Variants in OSBPL9 observed in about 807,000 individuals in gnomAD.
OSBPL9 encodes oxysterol-binding protein-related protein 9.
Under a neutral mutation model 106.6 loss-of-function variants are expected in OSBPL9, and 40 were observed. That is an observed-to-expected ratio of 0.38 (90% confidence interval 0.29 to 0.49). OSBPL9 has a LOEUF of 0.49. Among genes scored for constraint, OSBPL9 ranks in the 20% least tolerant of loss-of-function variants. OSBPL9 has a pLI of 0.97. For synonymous variants in OSBPL9, 269 were observed against 295.4 expected, an observed-to-expected ratio of 0.91 and a Z score of 0.92; for missense variants, 609 against 887.2, an observed-to-expected ratio of 0.69 and a Z score of 3.98.
the OSBPL9 span, among the ~76,000 whole-genome samples, chr1:51,525,597 T>C: frequency 1.3e-5 from 2 of 152,218 alleles, no homozygotes; most frequent in East Asian, 3.8e-4. Flanking sequence ...CAGAAAGTTC[T>C]GTCGGCTCGA....
At chr1:51,748,313 A>T in intron 6 of OSBPL9, 56 bp from the exon 7 acceptor site, 2 of 1,495,532 alleles carry the variant, frequency 1.3e-6, no homozygotes, top group Non-Finnish European at 1.8e-6. Flanking sequence ...AGTAAAAAAT[A>T]ACCGTCCTTC....
intron 12 of OSBPL9, among the ~76,000 whole-genome samples, chr1:51,768,272 C>G (rs1372452232): frequency 6.7e-6 from 1 of 149,814 alleles, no homozygotes; most frequent in Admixed American, 6.7e-5. Context: ...TCTTGTTGCC[C>G]AGGCTGGAGT....
chr1:51,579,972 C>T (rs542064777), intron 1 of OSBPL9, among the ~76,000 whole-genome samples: 1 of 152,082 alleles, frequency 6.6e-6, no homozygotes, highest in Non-Finnish European at 1.5e-5. Flanking sequence ...GTGTTTCTGT[C>T]TCCACCGTCC....
At chr1:51,691,408 T>A (rs1184594333) in intron 3 of OSBPL9, among the ~76,000 whole-genome samples, 1 of 151,224 alleles carries the variant, frequency 6.6e-6, no homozygotes, top group Non-Finnish European at 1.5e-5. Flanking sequence ...GCCTCTTGAG[T>A]AACTGGGATT....
At chr1:51,573,055 T>C (rs910514997), upstream of OSBPL9, among the ~76,000 whole-genome samples, 1 of 151,936 alleles carries the variant, frequency 6.6e-6, no homozygotes, top group African/African-American at 2.4e-5. Flanking sequence ...CTACTAAAAA[T>C]ACAAAAATTA....
chr1:51,701,291 T>G (rs1657183924), intron 3 of OSBPL9, among the ~76,000 whole-genome samples: 1 of 152,230 alleles, frequency 6.6e-6, no homozygotes, highest in Non-Finnish European at 1.5e-5. Context: ...ACTTATTTAC[T>G]TATTCAATTA....
At chr1:51,648,570 T>C (rs1266694695) in intron 1 of OSBPL9, among the ~76,000 whole-genome samples, 2 of 152,146 alleles carry the variant, frequency 1.3e-5, no homozygotes, top group Non-Finnish European at 2.9e-5. Context: ...CCAGCTTCCC[T>C]ATAGCCCCGC....
chr1:51,657,402 C>T (rs189248328), intron 2 of OSBPL9, among the ~76,000 whole-genome samples: 19 of 152,292 alleles, frequency 1.2e-4, no homozygotes, highest in Non-Finnish European at 2.9e-5. Flanking sequence ...CAGGTAAATG[C>T]TCATATTTCA....
At chr1:51,637,548 TAAATA>T (rs1266441214) in intron 1 of OSBPL9, among the ~76,000 whole-genome samples, 3 of 152,194 alleles carry the variant, frequency 2.0e-5, no homozygotes, top group Non-Finnish European at 4.4e-5. Flanking sequence ...TTGTGAGAAT[TAAATA>T]AAATAGTATT....
intron 11 of OSBPL9, 37 bp downstream of exon 11, chr1:51,762,008 C>CA (rs766315346): frequency 7.0e-7 from 1 of 1,437,474 alleles, no homozygotes; most frequent in Non-Finnish European, 9.8e-7. Context: ...TCTCATAACT[C>CA]TATTAACATT....
Position 51,701,491 on chromosome 1 carries a change from G to A in OSBPL9, c.242-12512G>A, listed in dbSNP as rs558093897. Among the ~76,000 whole-genome samples the A allele has an allele frequency of 1.7e-3, 260 of 152,008 alleles. 1 individual carries two copies. Among genetic ancestry groups the A allele is most frequent in the African/African-American group, 5.7e-3 (236 of 41,472 alleles). ...TTTTTTTCTGATAGTAAGAAACCTG[G>A]TTCTCATTATCTATAACATACTCAC... On this transcript the variant is annotated intron_variant, in intron 3 of 23. Transcript: ENST00000428468.
chr1:51,729,852 A>T lies in OSBPL9; in HGVS notation c.319-15684A>T. ...GGGGGTGTCCCGGGGGACGGGCTGA[A>T]CCTCAGTCAGGACCGCCTGCACCGC... On this transcript the variant is annotated intron_variant, in intron 4 of 23. Coordinates refer to ENST00000428468, the MANE Select transcript of OSBPL9 (RefSeq NM_024586.6). The surrounding 1 kb of genome is among the most constrained non-coding windows in gnomAD (Gnocchi z 5.1). The T allele has an allele frequency of 8.0e-7, 1 of 1,246,864 alleles. No individual in the cohort carries two copies. Among genetic ancestry groups the T allele is most frequent in the Non-Finnish European group, 1.0e-6 (1 of 988,344 alleles). 77.2% of individuals were successfully genotyped at this position (1,246,864 alleles called of 1,614,324 possible). A position where few individuals can be genotyped will look rare whatever the true frequency, so the allele number is the denominator to read the frequency against.
the OSBPL9 span, among the ~76,000 whole-genome samples, chr1:51,548,152 T>C: frequency 4.6e-5 from 7 of 152,298 alleles, no homozygotes; most frequent in African/African-American, 1.7e-4. Context: ...TCAAAAGATG[T>C]GTCCTGGAAA....
chr1:51,668,920 A>T (rs1384503014), intron 2 of OSBPL9, among the ~76,000 whole-genome samples: 1 of 152,200 alleles, frequency 6.6e-6, no homozygotes, highest in Non-Finnish European at 1.5e-5. Flanking sequence ...TTGGAGGGCA[A>T]TGTACAAGTG....
intron 4 of OSBPL9, among the ~76,000 whole-genome samples, chr1:51,734,760 C>T (rs1665267629): frequency 6.6e-6 from 1 of 152,168 alleles, no homozygotes; most frequent in Non-Finnish European, 1.5e-5. Context: ...CTAGATGACT[C>T]TTGCTCTTTT....
chr1:51,626,925 A>G (rs551461215), intron 1 of OSBPL9, among the ~76,000 whole-genome samples: 1 of 152,286 alleles, frequency 6.6e-6, no homozygotes, highest in East Asian at 1.9e-4. Flanking sequence ...ACAAAGTTTC[A>G]TATCTATGTT....
chr1:51,653,588 G>A (rs958153227), intron 2 of OSBPL9, among the ~76,000 whole-genome samples: 2 of 152,210 alleles, frequency 1.3e-5, no homozygotes, highest in African/African-American at 4.8e-5. Flanking sequence ...GTCTCCTAAA[G>A]TAATCACTTC....
chr1:51,580,930 A>ACTT (rs1645217445), intron 1 of OSBPL9, among the ~76,000 whole-genome samples: 2 of 358 alleles, frequency 5.6e-3, no homozygotes, highest in Non-Finnish European at 9.7e-3. Context: ...ATATATATAT[A>ACTT]TATATATATA....
At chr1:51,533,862 T>G in the OSBPL9 span, among the ~76,000 whole-genome samples, 1 of 148,378 alleles carries the variant, frequency 6.7e-6, no homozygotes, top group Non-Finnish European at 1.5e-5. Flanking sequence ...TTTTTTTTTT[T>G]GCAGAGGAAT....
Sources: gnomAD v4.1 joint callset for allele counts (sites outside exome capture counted in the v4.1 genomes callset) on GRCh38, gnomAD v4.1.1 for gene constraint, Gnocchi (gnomAD v3.1) non-coding constraint, MANE v1.5 for transcripts, NCBI Gene and HGNC (gene_info 2026-07-23, HGNC 2026-07-21) for gene names.